KIFC3: variants seen among roughly 807,000 people sequenced by gnomAD.
KIFC3 encodes the protein kinesin-like protein KIFC3.
Under a neutral mutation model 101.8 loss-of-function variants are expected in KIFC3, and 60 were observed. The observed-to-expected ratio is 0.59, with a 90% CI of 0.48 to 0.73. KIFC3 has a LOEUF of 0.73. Ranked by LOEUF, KIFC3 falls within the 30% of genes least tolerant of loss-of-function variation. The probability of loss-of-function intolerance (pLI) is 0.00; values close to 1 mark genes in which losing one functional copy is unlikely to be tolerated. For missense variants in KIFC3, 966 were observed against 1,137.1 expected, an observed-to-expected ratio of 0.85 and a Z score of 2.16; for synonymous variants, 476 against 482.7, an observed-to-expected ratio of 0.99 and a Z score of 0.18.
intron 2 of KIFC3, among the ~76,000 whole-genome samples, chr16:57,795,725 C>T (rs889669): frequency 0.047 from 7,107 of 152,068 alleles, 300 homozygotes; most frequent in East Asian, 0.13. Flanking sequence ...CACCCACCTC[C>T]ACCTGCAGGG....
At chr16:57,859,369 T>C (rs1415940819) in intron 1 of KIFC3, among the ~76,000 whole-genome samples, 2 of 152,196 alleles carry the variant, frequency 1.3e-5, no homozygotes, top group African/African-American at 4.8e-5. Context: ...TTTGTCTGCT[T>C]CCACTTCTAG....
chr16:57,765,987 A>C, intron 10 of KIFC3: 2 of 212,204 alleles, frequency 9.4e-6, no homozygotes, highest in Non-Finnish European at 1.9e-5. Flanking sequence ...CATCCAGACA[A>C]TGAGGGGCTT....
At chr16:57,862,083 G>T (rs1959315995) in intron 1 of KIFC3, among the ~76,000 whole-genome samples, 1 of 152,068 alleles carries the variant, frequency 6.6e-6, no homozygotes, top group Non-Finnish European at 1.5e-5. Context: ...AATTCTGGCA[G>T]CTGGGCTTAC....
intron 1 of KIFC3, chr16:57,816,243 G>T (rs1238469592): frequency 3.1e-6 from 4 of 1,289,228 alleles, no homozygotes; most frequent in Non-Finnish European, 4.0e-6. Flanking sequence ...GGCCCGGAAA[G>T]TGTCAACCCA....
chr16:57,813,870 C>T lies in KIFC3; in HGVS notation c.109-15588G>A, dbSNP rs964822446. ...TCCTGGACATAAAAGCCATGCGGTC[C>T]CTGGTAGACAGGTAGGCAGAGGTGA... On this transcript the variant is annotated intron_variant, in intron 1 of 2. Transcript: ENST00000563028. 1.1e-5 allele frequency: 11 copies of T among 985,314 alleles called. 1 individual carries two copies. The highest frequency in any genetic ancestry group is 5.2e-4 in the Middle Eastern group (1 of 1,914). 61.0% of individuals were successfully genotyped at this position (985,314 alleles called of 1,614,324 possible). A position where few individuals can be genotyped will look rare whatever the true frequency, so the allele number is the denominator to read the frequency against.
rs1395774140 is a variant in KIFC3 at position 57,802,379 on chromosome 16, G to A, written c.-49C>T. On this transcript the variant is annotated 5_prime_UTR_variant, in exon 1 of 20. Coordinates refer to ENST00000445690, the MANE Select transcript of KIFC3 (RefSeq NM_001130100.2). This position sits in a 1 kb window ranked among gnomAD's most constrained non-coding sequence, Gnocchi z 5.0. ...CGGGCCCCCCACTCACCGGCCTGGCGGAGGCAGGATCCAGGCGTCGCCGCA... is the reference window on the plus strand; with the variant it reads ...CGGGCCCCCCACTCACCGGCCTGGCAGAGGCAGGATCCAGGCGTCGCCGCA... The A allele has an allele frequency of 2.0e-6, 2 of 983,344 alleles. No individual in the cohort carries two copies. The highest frequency in any genetic ancestry group is 2.4e-6 in the Non-Finnish European group (2 of 829,080). 60.9% of individuals were successfully genotyped at this position (983,344 alleles called of 1,614,324 possible). A position where few individuals can be genotyped will look rare whatever the true frequency, so the allele number is the denominator to read the frequency against.
At position 57,758,376 on chromosome 16, in the gene KIFC3, T is replaced by C. The variant is rs2049383457; in HGVS notation, c.*558A>G. ...ACCCGCTGGCTGCCTCTGCCAGCCA[T>C]AAACACAGCACGGCCCCGTGGCGGG... On this transcript the variant is annotated 3_prime_UTR_variant, in exon 20 of 20. Transcript: ENST00000445690. 3.1e-6 allele frequency: 1 copy of C among 318,158 alleles called. No individual in the cohort carries two copies. Among genetic ancestry groups the C allele is most frequent in the Non-Finnish European group, 6.1e-6 (1 of 163,438 alleles). 19.7% of individuals were successfully genotyped at this position (318,158 alleles called of 1,614,324 possible). A position where few individuals can be genotyped will look rare whatever the true frequency, so the allele number is the denominator to read the frequency against.
intron 17 of KIFC3, 96 bp from the exon 18 acceptor site, chr16:57,759,932 A>C (rs1035879210): frequency 2.2e-6 from 2 of 899,472 alleles, no homozygotes; most frequent in Non-Finnish European, 3.3e-6. Context: ...GCCTCCTAAC[A>C]CCCAGTTTCC....
chr16:57,787,385 G>C (rs2053442645), intron 3 of KIFC3, among the ~76,000 whole-genome samples: 1 of 152,260 alleles, frequency 6.6e-6, no homozygotes, highest in Non-Finnish European at 1.5e-5. Flanking sequence ...GTCTCGGAGA[G>C]CCCAGCTCAT....
chr16:57,843,545 G>A (rs1245983646), intron 1 of KIFC3, among the ~76,000 whole-genome samples: 2 of 152,076 alleles, frequency 1.3e-5, no homozygotes, highest in South Asian at 2.1e-4. Context: ...AAATGGGGTG[G>A]TCAGCCTGTA....
intron 1 of KIFC3, among the ~76,000 whole-genome samples, chr16:57,838,740 A>C (rs1037003537): frequency 5.3e-5 from 8 of 152,082 alleles, no homozygotes; most frequent in Non-Finnish European, 1.0e-4. Flanking sequence ...TGCTTAATCC[A>C]TTTCTTCACG....
chr16:57,803,258 G>A (rs1319288596), upstream of KIFC3: 1 of 700,354 alleles, frequency 1.4e-6, no homozygotes, highest in Non-Finnish European at 2.6e-6. Context: ...GAAGAGGCCT[G>A]GGGGAGGCCA....
intron 1 of KIFC3, among the ~76,000 whole-genome samples, chr16:57,861,667 T>A (rs1431943672): frequency 6.6e-6 from 1 of 152,134 alleles, no homozygotes; most frequent in Non-Finnish European, 1.5e-5. Context: ...ATCAAAATAA[T>A]CTTTCCTAGG....
At chr16:57,761,564 C>G (rs781994602) in intron 13 of KIFC3, 28 bp from the exon 14 acceptor site, 1 of 1,606,092 alleles carries the variant, frequency 6.2e-7, no homozygotes, top group Non-Finnish European at 8.5e-7. Flanking sequence ...ACAGTCACCC[C>G]CTCCTCCCAT....
intron 1 of KIFC3, among the ~76,000 whole-genome samples, chr16:57,850,453 AT>A (rs1206115070): frequency 6.9e-6 from 1 of 145,048 alleles, no homozygotes; most frequent in East Asian, 2.0e-4. Flanking sequence ...ATAAAAATAA[AT>A]TTTAAAAAGG....
Position 57,762,184 on chromosome 16 carries a change from G to A in KIFC3, c.1704C>T (p.Tyr568=). The A allele has an allele frequency of 6.2e-7, 1 of 1,609,044 alleles. No homozygotes were observed. Among genetic ancestry groups the A allele is most frequent in the Non-Finnish European group, 8.5e-7 (1 of 1,178,362 alleles). ...EVQEKASDWE[Y]TITVSAAEIY... ...TCTCCGCAGCGCTGACGGTGATGGT[G>A]TACTCCCAGTCAGACGCCTTCTCCT... Residue 568 remains tyrosine, a synonymous_variant, in exon 13 of 20, where the codon TAC becomes TAT. Transcript: ENST00000445690.
At chr16:57,823,731 T>A in intron 1 of KIFC3, among the ~76,000 whole-genome samples, 1 of 149,682 alleles carries the variant, frequency 6.7e-6, no homozygotes, top group East Asian at 2.0e-4. Context: ...TAGCTGGGGT[T>A]ACAGGTGTGC....
chr16:57,778,462 C>A (rs1476199350), intron 3 of KIFC3, among the ~76,000 whole-genome samples: 1 of 152,158 alleles, frequency 6.6e-6, no homozygotes, highest in Non-Finnish European at 1.5e-5. Flanking sequence ...AAATTAAAAA[C>A]TTTTGTATAA....
chr16:57,823,683 C>G lies in KIFC3; in HGVS notation c.109-25401G>C, dbSNP rs991152032. On this transcript the variant is annotated intron_variant, in intron 1 of 2. Coordinates refer to the KIFC3 transcript ENST00000563028. Reference sequence around the variant, plus strand: ...TCTTGGCTCACTGCAACCTCCACCCCCCAGGTTCCAGCGATTCTCCTGTCT... The same window carrying G: ...TCTTGGCTCACTGCAACCTCCACCCGCCAGGTTCCAGCGATTCTCCTGTCT... Among the ~76,000 whole-genome samples, 10 of 152,190 alleles carry G rather than the reference C, an allele frequency of 6.6e-5. No individual in the cohort carries two copies. The East Asian group carries it at 1.9e-3, about 29-fold the overall frequency.
Sources: allele counts gnomAD v4.1 joint callset (sites outside exome capture counted in the v4.1 genomes callset), GRCh38; gene constraint gnomAD v4.1.1; non-coding constraint Gnocchi (gnomAD v3.1); transcripts MANE v1.5; gene names NCBI Gene and HGNC (gene_info 2026-07-23, HGNC 2026-07-21).